Variants in RAB31 observed in about 807,000 individuals in gnomAD.
The protein encoded by RAB31 is ras-related protein Rab-31.
Under a neutral mutation model 25.6 loss-of-function variants are expected in RAB31, and 21 were observed. The observed-to-expected ratio is 0.82, with a 90% CI of 0.58 to 1.18. The LOEUF is 1.18. Among genes scored for constraint, RAB31 ranks in the 50% most tolerant of loss-of-function variants. RAB31 has a pLI of 0.00. For missense variants in RAB31, 196 were observed against 250.1 expected (o/e 0.78, Z 1.46); for synonymous variants, 87 against 84.0 (o/e 1.04, Z -0.20).
At chr18:9,784,364 G>T (rs576223851) in intron 2 of RAB31, among the ~76,000 whole-genome samples, 1 of 152,014 alleles carries the variant, frequency 6.6e-6, no homozygotes, top group Admixed American at 6.5e-5. Flanking sequence ...TTAAGTCTAA[G>T]GATATAGTTG....
intron 1 of RAB31, among the ~76,000 whole-genome samples, chr18:9,721,711 G>A (rs1347782069): frequency 1.3e-5 from 2 of 152,090 alleles, no homozygotes; most frequent in East Asian, 3.9e-4. Context: ...TGTATACCAG[G>A]CAGTTTCTAG....
intron 5 of RAB31, among the ~76,000 whole-genome samples, chr18:9,833,091 A>G (rs900955858): frequency 5.9e-5 from 9 of 152,172 alleles, no homozygotes; most frequent in Non-Finnish European, 1.2e-4. Context: ...AACCACTACA[A>G]GAAGATGACC....
intron 1 of RAB31, among the ~76,000 whole-genome samples, chr18:9,723,334 C>T (rs1428198024): frequency 1.3e-5 from 2 of 152,098 alleles, no homozygotes; most frequent in Non-Finnish European, 2.9e-5. Flanking sequence ...AGGCGTGAGC[C>T]ACCGTGCCTG....
At chr18:9,784,712 C>G (rs1346888042) in intron 2 of RAB31, among the ~76,000 whole-genome samples, 5 of 151,622 alleles carry the variant, frequency 3.3e-5, no homozygotes, top group Non-Finnish European at 5.9e-5. Flanking sequence ...ACCACCACAC[C>G]TGGCTAATTT....
In RAB31 at chr18:9,766,360, G is replaced by T. The variant is rs1268562136; in HGVS notation, c.40-8918G>T. Among the ~76,000 whole-genome samples, 1 of 152,098 alleles carries T rather than the reference G, an allele frequency of 6.6e-6. No homozygotes were observed. The highest frequency in any genetic ancestry group is 1.5e-5 in the Non-Finnish European group (1 of 68,024). Reference sequence around the variant, plus strand: ...GGGTGAGCCAGGCAAGCGTGGCACTGCCCTCATTACTATGCACTGCCTTCG... The same window carrying T: ...GGGTGAGCCAGGCAAGCGTGGCACTTCCCTCATTACTATGCACTGCCTTCG... On this transcript the variant is annotated intron_variant, in intron 1 of 6. Transcript: ENST00000578921. The surrounding 1 kb of genome is among the most constrained non-coding windows in gnomAD (Gnocchi z 4.3).
chr18:9,753,884 G>A (rs2068247681), intron 1 of RAB31, among the ~76,000 whole-genome samples: 1 of 152,196 alleles, frequency 6.6e-6, no homozygotes, highest in South Asian at 2.1e-4. Flanking sequence ...TAAAAGATAG[G>A]TAGGTTAAGA....
intron 1 of RAB31, among the ~76,000 whole-genome samples, chr18:9,718,226 A>T (rs561993785): frequency 3.1e-4 from 47 of 151,622 alleles, no homozygotes; most frequent in Non-Finnish European, 6.0e-4. Flanking sequence ...GTTAATTTAT[A>T]CTTCATTTTA....
intron 1 of RAB31, among the ~76,000 whole-genome samples, chr18:9,764,996 C>A (rs1366202902): frequency 6.6e-6 from 1 of 151,888 alleles, no homozygotes; most frequent in Non-Finnish European, 1.5e-5. Flanking sequence ...GCTCCATTAC[C>A]CAGGCTGGAG....
chr18:9,755,508 G>C (rs904494766), intron 1 of RAB31, among the ~76,000 whole-genome samples: 2 of 152,210 alleles, frequency 1.3e-5, no homozygotes, highest in African/African-American at 4.8e-5. Flanking sequence ...CTAATGTCAC[G>C]CTGTCAATTT....
chr18:9,753,690 A>C (rs2068246565), intron 1 of RAB31, among the ~76,000 whole-genome samples: 1 of 152,196 alleles, frequency 6.6e-6, no homozygotes. Flanking sequence ...CAATGAAGAA[A>C]GTATGTACTA....
At position 9,861,492 on chromosome 18, in the gene RAB31, G is replaced by C. The variant is rs762615472; in HGVS notation, c.*2167G>C. 5 of 152,272 alleles carry C rather than the reference G, an allele frequency of 3.3e-5. No individual in the cohort carries two copies. Among genetic ancestry groups the C allele is most frequent in the East Asian group, 3.9e-4 (2 of 5,190 alleles). 9.4% of individuals were successfully genotyped at this position (152,272 alleles called of 1,614,324 possible). ...CAGCACTCAGAGTAGTCAGTGAAGA[G>C]AGTAGATCACACTTGGGCACACCAG... On this transcript the variant is annotated 3_prime_UTR_variant, in exon 7 of 7. Transcript: ENST00000578921.
chr18:9,745,563 G>A (rs1203562271), intron 1 of RAB31, among the ~76,000 whole-genome samples: 2 of 152,156 alleles, frequency 1.3e-5, no homozygotes, highest in African/African-American at 4.8e-5. Flanking sequence ...GAACCCAGAA[G>A]TATATTAAAA....
chr18:9,809,039 GGT>G (rs560390467), intron 3 of RAB31, among the ~76,000 whole-genome samples: 5 of 111,160 alleles, frequency 4.5e-5, no homozygotes, highest in African/African-American at 1.4e-4. Flanking sequence ...GCTGCTGAGG[GGT>G]GTGTGTGTGT....
intron 5 of RAB31, among the ~76,000 whole-genome samples, chr18:9,838,931 T>C (rs4798871): frequency 0.66 from 99,899 of 152,014 alleles, 33,060 homozygotes; most frequent in East Asian, 0.81. Context: ...GTCCATAGAT[T>C]CCTCCACTAC....
At chr18:9,790,232 G>A (rs2068453252) in intron 2 of RAB31, among the ~76,000 whole-genome samples, 1 of 151,840 alleles carries the variant, frequency 6.6e-6, no homozygotes. Context: ...CTTTTTGTGG[G>A]GGTAGGGGGT....
intron 6 of RAB31, among the ~76,000 whole-genome samples, chr18:9,858,910 A>G (rs2068832669): frequency 6.6e-6 from 1 of 152,042 alleles, no homozygotes; most frequent in Non-Finnish European, 1.5e-5. Flanking sequence ...CGCGCTGATG[A>G]GCGGAGGCTG....
intron 3 of RAB31, among the ~76,000 whole-genome samples, chr18:9,812,004 G>T (rs2068574265): frequency 6.6e-6 from 1 of 152,202 alleles, no homozygotes; most frequent in Non-Finnish European, 1.5e-5. Flanking sequence ...CAAGGTGCTG[G>T]CAGATTCAGT....
At chr18:9,750,381 T>C (rs8091300) in intron 1 of RAB31, among the ~76,000 whole-genome samples, 32,638 of 152,136 alleles carry the variant, frequency 0.21, 3,747 homozygotes, top group African/African-American at 0.3. Context: ...CAGTTTGCCA[T>C]TTAGATCCAT....
intron 3 of RAB31, among the ~76,000 whole-genome samples, chr18:9,806,957 T>C (rs2068544773): frequency 6.6e-6 from 1 of 152,228 alleles, no homozygotes; most frequent in Non-Finnish European, 1.5e-5. Context: ...AATATCATAA[T>C]CCAGCACTTC....
Sources: gnomAD v4.1 joint callset for allele counts (sites outside exome capture counted in the v4.1 genomes callset) on GRCh38, gnomAD v4.1.1 for gene constraint, Gnocchi (gnomAD v3.1) non-coding constraint, MANE v1.5 for transcripts, NCBI Gene and HGNC (gene_info 2026-07-23, HGNC 2026-07-21) for gene names.